TSHZ2: variants seen among roughly 807,000 people sequenced by gnomAD.
TSHZ2 encodes teashirt zinc finger homeobox 2, also known as teashirt homolog 2.
Under a neutral mutation model 74.4 loss-of-function variants are expected in TSHZ2, and 21 were observed. The observed-to-expected ratio is 0.28, with a 90% CI of 0.20 to 0.41. The LOEUF (loss-of-function observed/expected upper bound fraction) is 0.41, where lower values mean the gene tolerates loss of function less well. TSHZ2 is among the 10% of genes least tolerant of loss of function. TSHZ2 has a pLI of 1.00. For missense variants in TSHZ2, 1,244 were observed against 1,293.5 expected, an observed-to-expected ratio of 0.96 and a Z score of 0.59; for synonymous variants, 540 against 515.3, an observed-to-expected ratio of 1.05 and a Z score of -0.65.
intron 2 of TSHZ2, among the ~76,000 whole-genome samples, chr20:53,447,588 G>A (rs1313181261): frequency 6.6e-6 from 1 of 152,054 alleles, no homozygotes. Flanking sequence ...ACCTAACTTG[G>A]GCTCTTACAT....
intron 1 of TSHZ2, among the ~76,000 whole-genome samples, chr20:53,194,048 C>A (rs1178035553): frequency 6.6e-6 from 1 of 152,198 alleles, no homozygotes; most frequent in Non-Finnish European, 1.5e-5. Context: ...GATTTGAGTG[C>A]TTTCCTGATG....
intron 2 of TSHZ2, among the ~76,000 whole-genome samples, chr20:53,345,570 A>C (rs748901623): frequency 6.6e-6 from 1 of 152,198 alleles, no homozygotes; most frequent in Non-Finnish European, 1.5e-5. Flanking sequence ...ACTTCACTCT[A>C]GGAAAAACCC....
Position 53,030,425 on chromosome 20 carries a change from T to C in TSHZ2, c.40+57092T>C, listed in dbSNP as rs191735575. Among the ~76,000 whole-genome samples the C allele has an allele frequency of 1.6e-4, 24 of 151,430 alleles. No individual in the cohort carries two copies. In the East Asian group the frequency reaches 4.3e-3, roughly 27 times the overall value. ...CACAGTTTCATCTTTCAAAAAGAAA[T>C]TCCGAACTCAGCCAAGAAGCCAAGA... On this transcript the variant is annotated intron_variant, in intron 1 of 2. Transcript: ENST00000371497.
chr20:53,470,121 T>G (rs1375035198), intron 2 of TSHZ2, among the ~76,000 whole-genome samples: 1 of 152,210 alleles, frequency 6.6e-6, no homozygotes, highest in Non-Finnish European at 1.5e-5. Context: ...AGTCTCAGTC[T>G]CTGTTGTCAA....
rs140653682 is a variant in TSHZ2, at chr20:53,080,605, T to G, written c.40+107272T>G. On this transcript the variant is annotated intron_variant, in intron 1 of 2. Transcript: ENST00000371497. ...ATTAGTTAGAGTCTCCTAAGGAATG[T>G]GCAACCTAGATCCCTCGCATACACA... Among the ~76,000 whole-genome samples, 572 of 152,248 alleles carry G rather than the reference T, an allele frequency of 3.8e-3. 1 individual carries two copies. Among genetic ancestry groups the G allele is most frequent in the African/African-American group, 0.012 (510 of 41,528 alleles).
At chr20:53,297,601 T>C (rs1991403463) in intron 2 of TSHZ2, among the ~76,000 whole-genome samples, 1 of 152,216 alleles carries the variant, frequency 6.6e-6, no homozygotes, top group Admixed American at 6.5e-5. Flanking sequence ...GTGTATTATC[T>C]TGGGCAACCT....
intron 2 of TSHZ2, among the ~76,000 whole-genome samples, chr20:53,454,786 T>A (rs1215136133): frequency 1.3e-5 from 2 of 152,146 alleles, no homozygotes; most frequent in East Asian, 1.9e-4. Flanking sequence ...CCAGTCAATT[T>A]GAGAAAGTTT....
intron 1 of TSHZ2, among the ~76,000 whole-genome samples, chr20:53,216,855 T>C (rs1264280991): frequency 6.6e-6 from 1 of 152,192 alleles, no homozygotes; most frequent in East Asian, 1.9e-4. Flanking sequence ...GAACACACCC[T>C]TCAAATGCGG....
intron 1 of TSHZ2, among the ~76,000 whole-genome samples, chr20:52,996,416 G>T (rs954323537): frequency 2.6e-5 from 4 of 151,864 alleles, no homozygotes; most frequent in African/African-American, 9.7e-5. Flanking sequence ...AAAAGTTTTT[G>T]TATGTCAGGA....
intron 1 of TSHZ2, among the ~76,000 whole-genome samples, chr20:53,065,581 G>A (rs1984955987): frequency 6.6e-6 from 1 of 152,186 alleles, no homozygotes; most frequent in Non-Finnish European, 1.5e-5. Context: ...TCGGGACCCA[G>A]GCAGATCGTA....
At chr20:53,225,291 G>C (rs555766089) in intron 1 of TSHZ2, among the ~76,000 whole-genome samples, 1 of 152,314 alleles carries the variant, frequency 6.6e-6, no homozygotes, top group South Asian at 2.1e-4. Context: ...ATTCCATTAG[G>C]AAGCCAACCA....
chr20:53,038,892 G>GT (rs1568731188), intron 1 of TSHZ2, among the ~76,000 whole-genome samples: 11 of 130,450 alleles, frequency 8.4e-5, no homozygotes, highest in African/African-American at 3.8e-4. Flanking sequence ...TGTTTTGTTT[G>GT]TTTGTTTGTT....
At chr20:53,205,725 A>T (rs1989151692) in intron 1 of TSHZ2, among the ~76,000 whole-genome samples, 2 of 152,184 alleles carry the variant, frequency 1.3e-5, no homozygotes, top group South Asian at 4.1e-4. Flanking sequence ...CCTGGGAATG[A>T]ATACTCCTCC....
At chr20:52,984,000 G>A (rs1342578478) in intron 1 of TSHZ2, among the ~76,000 whole-genome samples, 2 of 152,244 alleles carry the variant, frequency 1.3e-5, no homozygotes, top group South Asian at 2.1e-4. Flanking sequence ...CTGTTTCCTG[G>A]TAACGCCTTC....
intron 1 of TSHZ2, among the ~76,000 whole-genome samples, chr20:53,042,425 T>C (rs1984074442): frequency 2.0e-5 from 3 of 152,194 alleles, no homozygotes. Flanking sequence ...GCTAGGCATA[T>C]ACATTCGTAT....
intron 1 of TSHZ2, among the ~76,000 whole-genome samples, chr20:53,202,851 T>G (rs1160427910): frequency 1.3e-5 from 2 of 152,282 alleles, no homozygotes; most frequent in South Asian, 2.1e-4. Context: ...CTTGTAATAC[T>G]TCCAGCCTTG....
chr20:53,156,314 T>C (rs948337474), intron 1 of TSHZ2, among the ~76,000 whole-genome samples: 1 of 152,190 alleles, frequency 6.6e-6, no homozygotes, highest in Non-Finnish European at 1.5e-5. Flanking sequence ...CCTACACTTA[T>C]ATACACAAAA....
chr20:53,326,559 C>T (rs369849450), intron 2 of TSHZ2, among the ~76,000 whole-genome samples: 29 of 152,160 alleles, frequency 1.9e-4, no homozygotes, highest in Admixed American at 3.9e-4. Flanking sequence ...GGTCACTAAG[C>T]GCCTCTAGAA....
chr20:53,341,253 G>C (rs992877258), intron 2 of TSHZ2, among the ~76,000 whole-genome samples: 2 of 152,142 alleles, frequency 1.3e-5, no homozygotes, highest in African/African-American at 2.4e-5. Flanking sequence ...CAGCCTTCCA[G>C]AGCATTTGCT....
Sources: allele counts gnomAD v4.1 joint callset (sites outside exome capture counted in the v4.1 genomes callset), GRCh38; gene constraint gnomAD v4.1.1; transcripts MANE v1.5; gene names NCBI Gene and HGNC (gene_info 2026-07-23, HGNC 2026-07-21).